MLIP: variants seen among roughly 807,000 people sequenced by gnomAD.
MLIP encodes muscular LMNA interacting protein.
MLIP carries 79 observed loss-of-function variants against 84.8 expected under a neutral mutation model. The observed-to-expected ratio is 0.93, with a 90% confidence interval of 0.78 to 1.12. The LOEUF is 1.12. MLIP is among the 50% of genes most tolerant of loss of function. MLIP has a pLI of 0.00. For synonymous variants in MLIP, 504 were observed against 463.0 expected (o/e 1.09, Z -1.14); for missense variants, 1,257 against 1,160.6 (o/e 1.08, Z -1.21).
chr6:54,262,024 T>TA (rs1201955429), intron 13 of MLIP, among the ~76,000 whole-genome samples: 2 of 152,086 alleles, frequency 1.3e-5, no homozygotes, highest in South Asian at 4.1e-4. Flanking sequence ...AGACACCTGA[T>TA]ACAGGTACCT....
At chr6:54,036,720 C>T (rs534165642) in intron 1 of MLIP, among the ~76,000 whole-genome samples, 1 of 152,116 alleles carries the variant, frequency 6.6e-6, no homozygotes, top group South Asian at 2.1e-4. Context: ...TATGACCCAG[C>T]AATCCCACTT....
At chr6:54,081,023 A>G (rs986525512) in intron 1 of MLIP, among the ~76,000 whole-genome samples, 1 of 152,066 alleles carries the variant, frequency 6.6e-6, no homozygotes, top group Non-Finnish European at 1.5e-5. Flanking sequence ...TCATGATTTT[A>G]TGATTCTGCC....
intron 4 of MLIP, among the ~76,000 whole-genome samples, chr6:54,143,984 T>A (rs1332160111): frequency 6.6e-6 from 1 of 152,124 alleles, no homozygotes; most frequent in Non-Finnish European, 1.5e-5. Flanking sequence ...AAATGAGGGA[T>A]GCAGTGGGGT....
intron 1 of MLIP, among the ~76,000 whole-genome samples, chr6:54,027,371 A>T (rs1763866186): frequency 8.2e-6 from 1 of 121,238 alleles, no homozygotes; most frequent in Non-Finnish European, 1.8e-5. Flanking sequence ...GGAATAAAAA[A>T]AATACACACA....
At chr6:54,170,803 CTT>C (rs1411449589) in intron 9 of MLIP, among the ~76,000 whole-genome samples, 1 of 151,550 alleles carries the variant, frequency 6.6e-6, no homozygotes, top group African/African-American at 2.4e-5. Flanking sequence ...TTTCCTTTCC[CTT>C]TTTCCTTTAT....
intron 1 of MLIP, among the ~76,000 whole-genome samples, chr6:54,020,666 T>C (rs958685365): frequency 1.3e-5 from 2 of 152,204 alleles, no homozygotes; most frequent in African/African-American, 4.8e-5. Context: ...TCAGACATTG[T>C]GCATGCCTGA....
At chr6:54,078,035 A>G (rs571248324) in intron 1 of MLIP, among the ~76,000 whole-genome samples, 9 of 152,336 alleles carry the variant, frequency 5.9e-5, no homozygotes, top group Admixed American at 5.2e-4. Flanking sequence ...GATGACCTGG[A>G]TAGGTTGTAT....
At chr6:54,196,376 C>A (rs1423364465) in intron 10 of MLIP, among the ~76,000 whole-genome samples, 2 of 152,074 alleles carry the variant, frequency 1.3e-5, no homozygotes, top group African/African-American at 2.4e-5. Flanking sequence ...GTGTTGTTCC[C>A]TAACATGTGT....
chr6:54,261,055 T>C (rs1009616102), intron 13 of MLIP, among the ~76,000 whole-genome samples: 9 of 152,142 alleles, frequency 5.9e-5, no homozygotes, highest in African/African-American at 2.2e-4. Flanking sequence ...AATGCAGTAA[T>C]TTCTAAGAAG....
intron 1 of MLIP, among the ~76,000 whole-genome samples, chr6:54,040,514 T>A (rs1027075415): frequency 2.0e-5 from 3 of 152,042 alleles, no homozygotes; most frequent in Non-Finnish European, 4.4e-5. Flanking sequence ...TGGAGATTTC[T>A]CCAAACTTAA....
At chr6:54,150,978 A>G (rs1412137452) in intron 5 of MLIP, among the ~76,000 whole-genome samples, 5 of 152,214 alleles carry the variant, frequency 3.3e-5, no homozygotes, top group Non-Finnish European at 7.3e-5. Flanking sequence ...AACATTCTGT[A>G]GGAAAATTAT....
chr6:54,133,466 C>T (rs893609198), intron 3 of MLIP, among the ~76,000 whole-genome samples: 2 of 152,114 alleles, frequency 1.3e-5, no homozygotes, highest in African/African-American at 4.8e-5. Context: ...TGTAGCTGTA[C>T]AGATTCAGGA....
At chr6:54,200,354 C>T (rs995298203) in intron 10 of MLIP, among the ~76,000 whole-genome samples, 5 of 148,426 alleles carry the variant, frequency 3.4e-5, no homozygotes, top group African/African-American at 1.2e-4. Flanking sequence ...CAAGCTTAGC[C>T]CCTAAAGTAC....
At position 54,229,843 on chromosome 6, in the gene MLIP, G is replaced by A. The variant is rs115714756; in HGVS notation, c.2719-871G>A. 7.9e-3 allele frequency among the ~76,000 whole-genome samples: 1,204 copies of A among 152,152 alleles called. 18 individuals carry two copies. Among genetic ancestry groups the A allele is most frequent in the African/African-American group, 0.028 (1,144 of 41,502 alleles). On this transcript the variant is annotated intron_variant, in intron 11 of 13. Transcript: ENST00000502396. Reference sequence around the variant, plus strand: ...TTAAAATAATAAGTATGCATGTGCTGTGTGTGTAAAGTAAGATACATATTT... The same window carrying A: ...TTAAAATAATAAGTATGCATGTGCTATGTGTGTAAAGTAAGATACATATTT...
intron 1 of MLIP, among the ~76,000 whole-genome samples, chr6:54,051,341 A>G (rs1217358032): frequency 6.6e-6 from 1 of 151,890 alleles, no homozygotes; most frequent in African/African-American, 2.4e-5. Context: ...TTTAATTTAA[A>G]TATGCCACTT....
intron 12 of MLIP, among the ~76,000 whole-genome samples, chr6:54,243,043 G>A (rs1781843314): frequency 6.6e-6 from 1 of 152,162 alleles, no homozygotes; most frequent in Non-Finnish European, 1.5e-5. Flanking sequence ...AGACATGGGG[G>A]CCTTTTCCAA....
rs148461153 is a variant in MLIP at position 54,208,201 on chromosome 6, A to T, written c.2718+5968A>T. ...TTTTATCTGTAAGGTATTAAACAAC[A>T]ACATTTCAAAAGAGAGAGAGGATAT... On this transcript the variant is annotated intron_variant, in intron 11 of 13. Coordinates refer to ENST00000502396, the MANE Select transcript of MLIP (RefSeq NM_001281747.2). Among the ~76,000 whole-genome samples the T allele has an allele frequency of 1.5e-3, 236 of 152,372 alleles. 1 individual carries two copies. The highest frequency in any genetic ancestry group is 5.3e-3 in the African/African-American group (221 of 41,592).
chr6:54,114,256 C>A (rs1209801692), intron 1 of MLIP, among the ~76,000 whole-genome samples: 1 of 152,144 alleles, frequency 6.6e-6, no homozygotes, highest in Admixed American at 6.5e-5. Context: ...TTTTAAATAT[C>A]ATCTATGGGT....
intron 12 of MLIP, among the ~76,000 whole-genome samples, chr6:54,238,451 T>C (rs887733460): frequency 6.6e-6 from 1 of 152,218 alleles, no homozygotes; most frequent in African/African-American, 2.4e-5. Context: ...TGTTCTCTTC[T>C]TATTCCAACT....
Sources: gnomAD v4.1 joint callset for allele counts (sites outside exome capture counted in the v4.1 genomes callset) on GRCh38, gnomAD v4.1.1 for gene constraint, MANE v1.5 for transcripts, NCBI Gene and HGNC (gene_info 2026-07-23, HGNC 2026-07-21) for gene names.